LEKR1: variants seen among roughly 807,000 people sequenced by gnomAD.
The protein encoded by LEKR1 is protein LEKR1.
In LEKR1, 59 loss-of-function variants were observed where a neutral mutation model predicts 72.4. The ratio of observed to expected loss-of-function variants is 0.82; its 90% CI spans 0.66 to 1.01. The LOEUF is 1.01. LEKR1 is among the 50% of genes least tolerant of loss of function. The pLI, the probability that LEKR1 is intolerant of heterozygous loss-of-function variation, is 0.00. For missense variants in LEKR1, 728 were observed against 759.2 expected, an observed-to-expected ratio of 0.96 and a Z score of 0.48; for synonymous variants, 257 against 263.2, an observed-to-expected ratio of 0.98 and a Z score of 0.23.
chr3:156,993,773 A>T (rs1357132987), intron 9 of LEKR1, among the ~76,000 whole-genome samples: 2 of 152,228 alleles, frequency 1.3e-5, no homozygotes, highest in African/African-American at 4.8e-5. Flanking sequence ...ACTAAGAAGT[A>T]CATTGGTCCA....
At chr3:156,957,664 A>G (rs1295703204) in intron 6 of LEKR1, among the ~76,000 whole-genome samples, 1 of 133,366 alleles carries the variant, frequency 7.5e-6, no homozygotes, top group Admixed American at 7.5e-5. Context: ...TGTTCTCTGT[A>G]CTTTTCAGAT....
At chr3:157,026,233 TC>T (rs1186413075) in intron 11 of LEKR1, among the ~76,000 whole-genome samples, 1 of 152,072 alleles carries the variant, frequency 6.6e-6, no homozygotes, top group African/African-American at 2.4e-5. Context: ...CCACCGAGTC[TC>T]CCCCTTTCTT....
At chr3:156,933,110 T>C (rs904144290) in intron 5 of LEKR1, among the ~76,000 whole-genome samples, 3 of 152,164 alleles carry the variant, frequency 2.0e-5, no homozygotes, top group Non-Finnish European at 4.4e-5. Context: ...TTTGGACCTT[T>C]AGTGTTCTTC....
At position 157,045,573 on chromosome 3, in the gene LEKR1, C is replaced by A; in HGVS notation, c.1902C>A (p.Pro634=). The A allele has an allele frequency of 6.2e-7, 1 of 1,614,148 alleles. No homozygotes were observed. The highest frequency in any genetic ancestry group is 1.7e-5 in the Admixed American group (1 of 60,012). The part of the protein sequence containing the change: ...RLNSEKGIQI[P]NLRGVSKPTT... ...ACTCTGAAAAAGGAATCCAAATTCCCAACCTGCGCGGGGTGTCAAAACCCA... is the reference window on the plus strand; with the variant it reads ...ACTCTGAAAAAGGAATCCAAATTCCAAACCTGCGCGGGGTGTCAAAACCCA... Residue 634 remains proline, a synonymous_variant, in exon 13 of 13, where the codon CCC becomes CCA. Coordinates refer to ENST00000356539, the MANE Select transcript of LEKR1 (RefSeq NM_001004316.3).
chr3:157,026,182 G>T (rs946231446), intron 11 of LEKR1, among the ~76,000 whole-genome samples: 7 of 152,076 alleles, frequency 4.6e-5, no homozygotes, highest in Non-Finnish European at 2.9e-5. Flanking sequence ...TCCCCTAGAG[G>T]GTTCTCACCT....
At chr3:157,025,003 G>A in intron 11 of LEKR1, 79 bp downstream of exon 11, 1 of 928,544 alleles carries the variant, frequency 1.1e-6, no homozygotes, top group Admixed American at 2.5e-5. Context: ...GAACACTACA[G>A]TATTTATAAT....
At chr3:156,981,259 C>A (rs921974920) in intron 7 of LEKR1, among the ~76,000 whole-genome samples, 1 of 152,140 alleles carries the variant, frequency 6.6e-6, no homozygotes, top group Non-Finnish European at 1.5e-5. Context: ...AATGACTGTG[C>A]ATGGAGCCTG....
chr3:156,894,574 A>G (rs1318039798), intron 3 of LEKR1, among the ~76,000 whole-genome samples: 1 of 152,212 alleles, frequency 6.6e-6, no homozygotes, highest in Non-Finnish European at 1.5e-5. Context: ...AAAAGAGCCC[A>G]AATAGTCAAA....
At chr3:156,973,211 A>G (rs779641620) in intron 6 of LEKR1, among the ~76,000 whole-genome samples, 10 of 152,112 alleles carry the variant, frequency 6.6e-5, no homozygotes, top group Non-Finnish European at 1.2e-4. Context: ...ATCAACTTCC[A>G]TGTCTCAAGC....
At chr3:156,930,597 A>G (rs1189853402) in intron 5 of LEKR1, among the ~76,000 whole-genome samples, 1 of 152,190 alleles carries the variant, frequency 6.6e-6, no homozygotes, top group African/African-American at 2.4e-5. Flanking sequence ...GTAGCTAAAA[A>G]GCTAATACAT....
At chr3:157,003,720 T>C (rs146574846) in intron 9 of LEKR1, among the ~76,000 whole-genome samples, 7 of 152,194 alleles carry the variant, frequency 4.6e-5, no homozygotes, top group African/African-American at 1.2e-4. Flanking sequence ...TAAGGAAACA[T>C]ACTCACAGAT....
At chr3:156,965,398 G>T (rs1374047920) in intron 6 of LEKR1, among the ~76,000 whole-genome samples, 3 of 152,090 alleles carry the variant, frequency 2.0e-5, no homozygotes, top group African/African-American at 7.2e-5. Flanking sequence ...ATTCTGAAGT[G>T]AAAGTGTTGG....
chr3:157,034,602 C>CA (rs1194188395), intron 12 of LEKR1, among the ~76,000 whole-genome samples: 2 of 152,006 alleles, frequency 1.3e-5, no homozygotes, highest in Non-Finnish European at 2.9e-5. Flanking sequence ...GAAGATGCTG[C>CA]AAAAAATATT....
At chr3:156,924,039 A>C (rs1367801823) in intron 4 of LEKR1, among the ~76,000 whole-genome samples, 1 of 151,976 alleles carries the variant, frequency 6.6e-6, no homozygotes, top group South Asian at 2.1e-4. Context: ...TCAATATTTA[A>C]TTTTTTAACT....
intron 3 of LEKR1, among the ~76,000 whole-genome samples, chr3:156,879,812 G>C (rs984733694): frequency 2.0e-5 from 3 of 152,220 alleles, no homozygotes; most frequent in Non-Finnish European, 2.9e-5. Context: ...TCGGGTTGTG[G>C]CTTCAGAGAG....
intron 7 of LEKR1, among the ~76,000 whole-genome samples, chr3:156,980,666 C>G (rs1323475681): frequency 6.6e-6 from 1 of 152,146 alleles, no homozygotes; most frequent in African/African-American, 2.4e-5. Flanking sequence ...CAGGCCCCAG[C>G]TACTGTGTGA....
intron 7 of LEKR1, among the ~76,000 whole-genome samples, chr3:156,990,461 C>G (rs1393096165): frequency 6.6e-6 from 1 of 152,148 alleles, no homozygotes. Context: ...CAAAATTTAT[C>G]CTTAGATATA....
intron 3 of LEKR1, among the ~76,000 whole-genome samples, chr3:156,871,665 G>T (rs1717975338): frequency 1.3e-5 from 2 of 152,122 alleles, no homozygotes; most frequent in South Asian, 2.1e-4. Flanking sequence ...GGTGTGAGAT[G>T]GTATCTCATT....
chr3:156,959,240 A>C (rs1727907588), intron 6 of LEKR1, among the ~76,000 whole-genome samples: 1 of 152,030 alleles, frequency 6.6e-6, no homozygotes, highest in African/African-American at 2.4e-5. Flanking sequence ...CTGATACACC[A>C]CTCATCTCTT....
Sources: allele counts gnomAD v4.1 joint callset (sites outside exome capture counted in the v4.1 genomes callset), GRCh38; gene constraint gnomAD v4.1.1; transcripts MANE v1.5; gene names NCBI Gene and HGNC (gene_info 2026-07-23, HGNC 2026-07-21).